Variants in PTPN3 observed in about 807,000 individuals in gnomAD.
PTPN3 encodes tyrosine-protein phosphatase non-receptor type 3.
A neutral mutation model predicts 132.7 loss-of-function variants in PTPN3; 96 were observed. The observed-to-expected ratio is 0.72, with a 90% confidence interval of 0.61 to 0.86. The LOEUF (loss-of-function observed/expected upper bound fraction) is 0.86. Among genes scored for constraint, PTPN3 ranks in the 40% least tolerant of loss-of-function variants. The probability of loss-of-function intolerance (pLI) is 0.00; values close to 1 mark genes in which losing one functional copy is unlikely to be tolerated. For synonymous variants in PTPN3, 398 were observed against 429.0 expected, an observed-to-expected ratio of 0.93 and a Z score of 0.89; for missense variants, 1,125 against 1,159.6, an observed-to-expected ratio of 0.97 and a Z score of 0.43.
At chr9:109,533,294 G>C in the PTPN3 span, among the ~76,000 whole-genome samples, 1 of 151,336 alleles carries the variant, frequency 6.6e-6, no homozygotes, top group Non-Finnish European at 1.5e-5. Flanking sequence ...ACAGGCGCCC[G>C]CCACCGCGCC....
At chr9:109,452,511 C>T (rs62576441) in intron 5 of PTPN3, among the ~76,000 whole-genome samples, 7,753 of 151,754 alleles carry the variant, frequency 0.051, 278 homozygotes, top group Non-Finnish European at 0.076. Flanking sequence ...ATAAAAGACA[C>T]ATATACATGT....
the PTPN3 span, among the ~76,000 whole-genome samples, chr9:109,515,457 A>C: frequency 6.6e-6 from 1 of 152,222 alleles, no homozygotes; most frequent in Non-Finnish European, 1.5e-5. Context: ...ACACTATCTT[A>C]ATATAGCCAT....
intron 9 of PTPN3, among the ~76,000 whole-genome samples, chr9:109,434,104 T>C (rs1159023619): frequency 6.6e-6 from 1 of 152,040 alleles, no homozygotes; most frequent in Non-Finnish European, 1.5e-5. Context: ...CTTGAGTCAT[T>C]TACCTTCTTG....
In PTPN3 at chr9:109,382,284, A is replaced by G. The variant is rs2131587070; in HGVS notation, c.2528+18T>C. 1.2e-6 allele frequency: 2 copies of G among 1,612,618 alleles called. No homozygotes were observed. Among genetic ancestry groups the G allele is most frequent in the East Asian group, 4.5e-5 (2 of 44,878 alleles). ...CAGGGAAAGGATTCCAAACCTAACA[A>G]AACAGCAAGCGCCATACCTGCAGTG... On this transcript the variant is annotated intron_variant, in intron 24 of 25. Coordinates refer to ENST00000374541, the MANE Select transcript of PTPN3 (RefSeq NM_002829.4).
At chr9:109,495,980 C>T (rs1051594021) in intron 1 of PTPN3, among the ~76,000 whole-genome samples, 3 of 152,204 alleles carry the variant, frequency 2.0e-5, no homozygotes, top group African/African-American at 7.2e-5. Flanking sequence ...GGGGTGCACC[C>T]CACATCCCCA....
chr9:109,529,662 C>G, the PTPN3 span, among the ~76,000 whole-genome samples: 2 of 152,134 alleles, frequency 1.3e-5, no homozygotes, highest in African/African-American at 4.8e-5. Flanking sequence ...GCAAAATACA[C>G]GTAATATAAA....
chr9:109,458,007 C>T (rs555818344), intron 2 of PTPN3, among the ~76,000 whole-genome samples: 2 of 152,366 alleles, frequency 1.3e-5, no homozygotes, highest in East Asian at 3.9e-4. Context: ...AACCACACGC[C>T]TCTTCAGATC....
At chr9:109,408,812 T>TAC in intron 16 of PTPN3, among the ~76,000 whole-genome samples, 1 of 142,710 alleles carries the variant, frequency 7.0e-6, no homozygotes, top group African/African-American at 2.6e-5. Flanking sequence ...TATATATATA[T>TAC]ATATATGGGC....
Position 109,378,795 on chromosome 9 carries a change from A to G in PTPN3, c.*761T>C, listed in dbSNP as rs2131568059. On this transcript the variant is annotated 3_prime_UTR_variant, in exon 26 of 26. Coordinates refer to ENST00000374541, the MANE Select transcript of PTPN3 (RefSeq NM_002829.4). ...TGAGTGTGCAGTAGGAGGCAAGCAGAGGCAAGAGACACACCTGCTTCTACA... is the reference window on the plus strand; with the variant it reads ...TGAGTGTGCAGTAGGAGGCAAGCAGGGGCAAGAGACACACCTGCTTCTACA... 1 of 152,842 alleles carries G rather than the reference A, an allele frequency of 6.5e-6. No individual in the cohort carries two copies. The highest frequency in any genetic ancestry group is 2.1e-4 in the South Asian group (1 of 4,818). 9.5% of individuals were successfully genotyped at this position (152,842 alleles called of 1,614,324 possible).
At chr9:109,418,659 T>C (rs559321877) in intron 14 of PTPN3, among the ~76,000 whole-genome samples, 2 of 152,368 alleles carry the variant, frequency 1.3e-5, no homozygotes, top group Non-Finnish European at 2.9e-5. Context: ...GGGCTGTATC[T>C]GTGCTGTCCA....
At chr9:109,382,257 G>C (rs755014758) in intron 24 of PTPN3, 45 bp downstream of exon 24, 1 of 1,597,836 alleles carries the variant, frequency 6.3e-7, no homozygotes. Flanking sequence ...GGCCTTTTCC[G>C]ACAGGGAAAG....
At chr9:109,500,746 C>T (rs1341685073), upstream of PTPN3, among the ~76,000 whole-genome samples, 1 of 151,444 alleles carries the variant, frequency 6.6e-6, no homozygotes, top group Non-Finnish European at 1.5e-5. Context: ...GCCTGGGCAA[C>T]ATAGCAAGAC....
chr9:109,447,884 A>AACAGCCCTCTCTATTCTCCTGT (rs1400886519), intron 6 of PTPN3, among the ~76,000 whole-genome samples: 2 of 152,254 alleles, frequency 1.3e-5, no homozygotes, highest in East Asian at 3.9e-4. Context: ...GTAGGACACG[A>AACAGCCCTCTCTATTCTCCTGT]ACAGCCCTCT....
chr9:109,510,599 A>ATATATT, the PTPN3 span, among the ~76,000 whole-genome samples: 3,491 of 81,612 alleles, frequency 0.043, 133 homozygotes, highest in East Asian at 0.13. Context: ...ATATATATAT[A>ATATATT]TATATATATG....
chr9:109,394,332 T>C (rs1047264439), intron 19 of PTPN3, among the ~76,000 whole-genome samples: 1 of 152,196 alleles, frequency 6.6e-6, no homozygotes. Flanking sequence ...GAAAAAGGCT[T>C]TAATTACCAT....
intron 1 of PTPN3, among the ~76,000 whole-genome samples, chr9:109,492,593 T>A (rs1378929303): frequency 6.6e-6 from 1 of 152,196 alleles, no homozygotes; most frequent in Non-Finnish European, 1.5e-5. Flanking sequence ...AGGGAATAGG[T>A]GCAATTATGA....
At chr9:109,441,348 C>T (rs1472092443) in intron 7 of PTPN3, among the ~76,000 whole-genome samples, 2 of 152,184 alleles carry the variant, frequency 1.3e-5, no homozygotes, top group African/African-American at 2.4e-5. Context: ...TTTCAAGCTG[C>T]CCGGCTGTTG....
intron 1 of PTPN3, among the ~76,000 whole-genome samples, chr9:109,486,471 G>C (rs774793954): frequency 6.6e-6 from 1 of 152,122 alleles, no homozygotes; most frequent in Non-Finnish European, 1.5e-5. Context: ...GCTGGAGAAG[G>C]GATTTCTGAG....
chr9:109,404,541 G>A lies in PTPN3; in HGVS notation c.1860C>T (p.Phe620=). Residue 620 remains phenylalanine (F), a synonymous_variant, in exon 19 of 26, where the codon TTC becomes TTT. Transcript: ENST00000374541. ...ELNQLFPEAI[F]PMCPEGGDTL... ...TGTCCCCACCCTCCGGACACATGGGGAAAATGGCTTCGGGGAAAAGCTGGT... is the reference window on the plus strand; with the variant it reads ...TGTCCCCACCCTCCGGACACATGGGAAAAATGGCTTCGGGGAAAAGCTGGT... 6.4e-7 allele frequency: 1 copy of A among 1,569,814 alleles called. No individual in the cohort carries two copies. The highest frequency in any genetic ancestry group is 8.7e-7 in the Non-Finnish European group (1 of 1,151,432).
Sources: gnomAD v4.1 joint callset for allele counts (sites outside exome capture counted in the v4.1 genomes callset) on GRCh38, gnomAD v4.1.1 for gene constraint, MANE v1.5 for transcripts, NCBI Gene and HGNC (gene_info 2026-07-23, HGNC 2026-07-21) for gene names.